Variants in VIPR1 observed in about 807,000 individuals in gnomAD.
The protein encoded by VIPR1 is vasoactive intestinal peptide receptor 1.
In VIPR1, 59 loss-of-function variants were observed where a neutral mutation model predicts 58.8. That is an observed-to-expected ratio of 1.00 (90% CI 0.81 to 1.25). VIPR1 has a LOEUF of 1.25. Ranked by LOEUF, VIPR1 falls within the 50% of genes most tolerant of loss-of-function variation. The pLI, the probability that VIPR1 is intolerant of heterozygous loss-of-function variation, is 0.00. For synonymous variants in VIPR1, 251 were observed against 242.1 expected, an observed-to-expected ratio of 1.04 and a Z score of -0.34; for missense variants, 626 against 602.7, an observed-to-expected ratio of 1.04 and a Z score of -0.40.
chr3:42,507,148 A>G (rs1315530615), intron 1 of VIPR1: 1 of 152,198 alleles, frequency 6.6e-6, no homozygotes, highest in Non-Finnish European at 1.5e-5. Context: ...CACACCTAAC[A>G]AAATTGACAG....
chr3:42,527,857 C>T, intron 5 of VIPR1, 134 bp from the exon 6 acceptor site: 1 of 1,277,608 alleles, frequency 7.8e-7, no homozygotes, highest in Non-Finnish European at 1.1e-6. Flanking sequence ...GGATGGGATC[C>T]CCTTTGAGGC....
Position 42,536,401 on chromosome 3 carries a change from C to T in VIPR1, c.*120C>T, listed in dbSNP as rs1010292934. The T allele has an allele frequency of 3.7e-6, 4 of 1,078,356 alleles. No homozygotes were observed. The highest frequency in any genetic ancestry group is 5.6e-5 in the East Asian group (2 of 35,504). 66.8% of individuals were successfully genotyped at this position (1,078,356 alleles called of 1,614,324 possible). A position where few individuals can be genotyped will look rare whatever the true frequency, so the allele number is the denominator to read the frequency against. On this transcript the variant is annotated 3_prime_UTR_variant, in exon 13 of 13. Transcript: ENST00000325123. ...GCCCCGGCCCTGGGCTCGGAGGCTG[C>T]CCCCGGCCCCCTGGTCTCTGGTCCG... is the stretch of plus-strand genomic sequence containing the variant.
intron 1 of VIPR1, chr3:42,492,181 T>TCATC (rs1171592688): frequency 2.0e-5 from 3 of 150,596 alleles, no homozygotes; most frequent in Non-Finnish European, 4.4e-5. Context: ...CCCACCCTCC[T>TCATC]CATCCTTCCT....
intron 1 of VIPR1, 54 bp from the exon 2 acceptor site, chr3:42,513,695 G>T: frequency 1.3e-6 from 2 of 1,531,516 alleles, no homozygotes; most frequent in East Asian, 2.5e-5. Flanking sequence ...ACTGGGCCTG[G>T]TGCTCCTGAG....
intron 1 of VIPR1, among the ~76,000 whole-genome samples, chr3:42,505,127 G>C (rs777686989): frequency 2.0e-5 from 3 of 152,104 alleles, no homozygotes; most frequent in Non-Finnish European, 2.9e-5. Context: ...TGGTGTGGGA[G>C]ACCAGACCCA....
intron 1 of VIPR1, chr3:42,506,408 C>T (rs1700122627): frequency 6.6e-6 from 1 of 152,346 alleles, no homozygotes; most frequent in Non-Finnish European, 1.5e-5. Context: ...TTAAATCCTT[C>T]TGTTCAACCC....
intron 9 of VIPR1, 94 bp downstream of exon 9, chr3:42,531,963 A>G: frequency 1.4e-6 from 2 of 1,439,274 alleles, no homozygotes; most frequent in Non-Finnish European, 1.9e-6. Context: ...TATCTAGGTC[A>G]GAACTGAAAC....
chr3:42,499,449 TCTC>T (rs1269804362), upstream of VIPR1, among the ~76,000 whole-genome samples: 1 of 152,202 alleles, frequency 6.6e-6, no homozygotes, highest in East Asian at 1.9e-4. Flanking sequence ...TGACTCCACT[TCTC>T]TCTCTTTCCC....
chr3:42,518,276 G>T (rs893014293), intron 2 of VIPR1, among the ~76,000 whole-genome samples: 2 of 152,106 alleles, frequency 1.3e-5, no homozygotes, highest in African/African-American at 4.8e-5. Context: ...ACAGGTAGTT[G>T]TATCGGTGAC....
chr3:42,494,919 A>G (rs910988680), intron 1 of VIPR1, among the ~76,000 whole-genome samples: 52 of 152,296 alleles, frequency 3.4e-4, no homozygotes, highest in African/African-American at 1.2e-3. Flanking sequence ...TCACTTCTAA[A>G]TAATGTATAA....
intron 1 of VIPR1, among the ~76,000 whole-genome samples, chr3:42,494,771 AT>A (rs1394817450): frequency 6.6e-6 from 1 of 151,738 alleles, no homozygotes; most frequent in Non-Finnish European, 1.5e-5. Context: ...TTAATTTATT[AT>A]TTTTTTCTAG....
Position 42,531,473 on chromosome 3 carries a change from G to A in VIPR1, c.793G>A (p.Val265Ile), listed in dbSNP as rs765379111. ...FWGYILIGWG[V>I]PSTFTMVWTI... ...TTCACTCTCCCTGGGCCTGACAGGG[G>A]TACCCAGCACATTCACCATGGTGTG... is the stretch of plus-strand genomic sequence containing the variant. Residue 265 changes from valine (V) to isoleucine (I), a missense_variant and splice_region_variant, in exon 8 of 13, where the codon GTA becomes ATA. Physicochemically the swap from Val to Ile is conservative, Grantham distance 29 (BLOSUM62 3). Transcript: ENST00000325123. 6.3e-6 allele frequency: 10 copies of A among 1,581,328 alleles called. No homozygotes were observed. The Admixed American group carries it at 1.1e-4, about 17-fold the overall frequency.
intron 1 of VIPR1, chr3:42,512,680 T>C: frequency 4.2e-6 from 4 of 942,842 alleles, no homozygotes; most frequent in African/African-American, 1.8e-5. Context: ...ACACTGAGAA[T>C]GTCTGATTCT....
intron 3 of VIPR1, among the ~76,000 whole-genome samples, chr3:42,523,115 A>C (rs1241728125): frequency 6.9e-6 from 1 of 144,748 alleles, no homozygotes; most frequent in Non-Finnish European, 1.5e-5. Flanking sequence ...CCTTCCCAGC[A>C]CAGGGTTAAA....
intron 3 of VIPR1, among the ~76,000 whole-genome samples, chr3:42,523,166 A>G (rs1701050341): frequency 6.7e-6 from 1 of 149,096 alleles, no homozygotes; most frequent in Non-Finnish European, 1.5e-5. Flanking sequence ...GTCCCCCTCT[A>G]CAGATATTGG....
In VIPR1 at chr3:42,514,402, A is replaced by G. The variant is rs146550402; in HGVS notation, c.184+548A>G. ...GCTCAAAGCCATCTTAGTGGTCCCG[A>G]GCAAGAAGGGGCACAAGTTTTGTCT... is the stretch of plus-strand genomic sequence containing the variant. On this transcript the variant is annotated intron_variant, in intron 2 of 12. Transcript: ENST00000325123. Among the ~76,000 whole-genome samples, 938 of 152,212 alleles carry G rather than the reference A, an allele frequency of 6.2e-3. 16 individuals are homozygous for G. The highest frequency in any genetic ancestry group is 0.022 in the African/African-American group (904 of 41,496).
In VIPR1 at chr3:42,536,768, C is replaced by CGACCACCGAG; in HGVS notation, c.*487_*488insGACCACCGAG. ...TGCTGTCAAGTTCCTTTGGGTTAAG[C>CGACCACCGAG]ATTACCACTCAGGCATTTGACTGAA... On this transcript the variant is annotated 3_prime_UTR_variant, in exon 13 of 13. Coordinates refer to ENST00000325123, the MANE Select transcript of VIPR1 (RefSeq NM_004624.4). The CGACCACCGAG allele has an allele frequency of 6.5e-6, 1 of 155,002 alleles. No homozygotes were observed. Among genetic ancestry groups the CGACCACCGAG allele is most frequent in the Non-Finnish European group, 1.4e-5 (1 of 69,978 alleles). The allele number at this position is 155,002 out of a possible 1,614,324, so 9.6% of individuals were successfully genotyped here.
At chr3:42,513,572 G>A in intron 1 of VIPR1, 177 bp from the exon 2 acceptor site, 1 of 613,142 alleles carries the variant, frequency 1.6e-6, no homozygotes, top group Non-Finnish European at 2.8e-6. Flanking sequence ...ACCCAGGTTT[G>A]GGGGCAATGG....
chr3:42,492,628 G>A (rs1400885455), intron 1 of VIPR1: 1 of 152,344 alleles, frequency 6.6e-6, no homozygotes, highest in African/African-American at 2.4e-5. Flanking sequence ...CCTCACTGCA[G>A]AGGAGGGTGG....
Sources: gnomAD v4.1 joint callset for allele counts (sites outside exome capture counted in the v4.1 genomes callset) on GRCh38, gnomAD v4.1.1 for gene constraint, MANE v1.5 for transcripts, NCBI Gene and HGNC (gene_info 2026-07-23, HGNC 2026-07-21) for gene names.